Variants in DPYD observed in about 807,000 individuals in gnomAD.
The protein encoded by DPYD is dihydropyrimidine dehydrogenase.
DPYD carries 109 observed loss-of-function variants against 116.2 expected under a neutral mutation model. That is an observed-to-expected ratio of 0.94 (90% CI 0.80 to 1.10). The LOEUF is 1.10. DPYD is among the 50% of genes least tolerant of loss of function. DPYD has a pLI of 0.00. For missense variants in DPYD, 1,302 were observed against 1,254.5 expected, an observed-to-expected ratio of 1.04 and a Z score of -0.57; for synonymous variants, 440 against 432.0, an observed-to-expected ratio of 1.02 and a Z score of -0.23.
intron 13 of DPYD, among the ~76,000 whole-genome samples, chr1:97,461,672 T>C (rs1341832556): frequency 2.0e-5 from 3 of 152,216 alleles, no homozygotes; most frequent in Non-Finnish European, 4.4e-5. Context: ...ATTAAAATAA[T>C]AAAATTTGAA....
At chr1:97,728,239 G>A (rs1663379239) in intron 4 of DPYD, among the ~76,000 whole-genome samples, 2 of 152,050 alleles carry the variant, frequency 1.3e-5, no homozygotes, top group African/African-American at 2.4e-5. Context: ...AATGTTCTTT[G>A]GCCCACTAAT....
At chr1:97,114,334 G>A (rs1198905255) in intron 20 of DPYD, among the ~76,000 whole-genome samples, 1 of 152,044 alleles carries the variant, frequency 6.6e-6, no homozygotes, top group Non-Finnish European at 1.5e-5. Context: ...GGTATGTGGT[G>A]CTAAAGAATT....
intron 3 of DPYD, among the ~76,000 whole-genome samples, chr1:97,793,671 A>G (rs1667426841): frequency 6.6e-6 from 1 of 151,954 alleles, no homozygotes; most frequent in African/African-American, 2.4e-5. Flanking sequence ...AAACAAAACG[A>G]AAAAAAACTT....
chr1:97,115,547 T>C (rs1374088105), intron 20 of DPYD, among the ~76,000 whole-genome samples: 4 of 152,196 alleles, frequency 2.6e-5, no homozygotes, highest in Non-Finnish European at 5.9e-5. Context: ...AGTATGATCC[T>C]AATATAGTTT....
chr1:97,457,425 T>A (rs1290902525), intron 13 of DPYD, among the ~76,000 whole-genome samples: 1 of 152,292 alleles, frequency 6.6e-6, no homozygotes, highest in African/African-American at 2.4e-5. Context: ...TGTAGCCTTT[T>A]GTTTTTCCTC....
chr1:97,294,972 C>T (rs1248297836), intron 18 of DPYD, among the ~76,000 whole-genome samples: 6 of 152,170 alleles, frequency 3.9e-5, no homozygotes, highest in Non-Finnish European at 4.4e-5. Context: ...GTAAGTGACA[C>T]TTGTAGACTA....
At chr1:97,797,085 T>C (rs1033696279) in intron 3 of DPYD, 1 of 152,114 alleles carries the variant, frequency 6.6e-6, no homozygotes, top group African/African-American at 2.4e-5. Flanking sequence ...AATGATCAAA[T>C]TGCCAGTTTA....
intron 3 of DPYD, among the ~76,000 whole-genome samples, chr1:97,756,133 A>G (rs962029598): frequency 6.6e-6 from 1 of 152,202 alleles, no homozygotes. Flanking sequence ...CCAAGGGGGA[A>G]CACAGAAGGG....
intron 18 of DPYD, among the ~76,000 whole-genome samples, chr1:97,291,868 C>T (rs10465748): frequency 6.7e-6 from 1 of 149,874 alleles, no homozygotes; most frequent in Admixed American, 6.6e-5. Flanking sequence ...CTAAAAAAAA[C>T]CCTAAATTCC....
intron 2 of DPYD, among the ~76,000 whole-genome samples, chr1:97,837,260 C>A (rs1571442748): frequency 6.6e-6 from 1 of 152,070 alleles, no homozygotes; most frequent in Admixed American, 6.6e-5. Flanking sequence ...TTTCAAGACT[C>A]CATAAACGGG....
intron 1 of DPYD, among the ~76,000 whole-genome samples, chr1:97,916,601 C>T (rs186663905): frequency 1.3e-5 from 2 of 152,310 alleles, no homozygotes; most frequent in African/African-American, 4.8e-5. Context: ...AATCAGTCAA[C>T]ACCATTTGCT....
intron 22 of DPYD, among the ~76,000 whole-genome samples, chr1:97,081,395 C>T (rs955481173): frequency 6.6e-6 from 1 of 151,940 alleles, no homozygotes; most frequent in African/African-American, 2.4e-5. Context: ...TTTTCCAAAA[C>T]TTTAAAATTT....
At chr1:97,821,262 C>T (rs188022589) in intron 3 of DPYD, among the ~76,000 whole-genome samples, 46 of 141,498 alleles carry the variant, frequency 3.3e-4, no homozygotes, top group African/African-American at 1.2e-3. Context: ...ACCTGGGAGG[C>T]GGAAGTTGCA....
At chr1:97,427,860 T>A (rs1674960675) in intron 14 of DPYD, among the ~76,000 whole-genome samples, 1 of 152,048 alleles carries the variant, frequency 6.6e-6, no homozygotes, top group Non-Finnish European at 1.5e-5. Flanking sequence ...AACCATTTCA[T>A]TACATATGAC....
chr1:97,157,890 A>T lies in DPYD; in HGVS notation c.2622+35179T>A, dbSNP rs188597243. 1.3e-3 allele frequency among the ~76,000 whole-genome samples: 195 copies of T among 152,250 alleles called. 1 individual carries two copies. Among genetic ancestry groups the T allele is most frequent in the African/African-American group, 4.4e-3 (183 of 41,568 alleles). On this transcript the variant is annotated intron_variant, in intron 20 of 22. Transcript: ENST00000370192. ...CAGATGTGGCTTGATTTCAGGTGAT[A>T]TATATCTGCAACTAAAGAATAAGAT... is the stretch of plus-strand genomic sequence containing the variant.
intron 20 of DPYD, among the ~76,000 whole-genome samples, chr1:97,130,649 C>T (rs117618163): frequency 6.6e-6 from 1 of 151,248 alleles, no homozygotes; most frequent in Non-Finnish European, 1.5e-5. Context: ...CTTTCCTTTC[C>T]TCTCCTCTAT....
chr1:97,688,166 T>A (rs1264017048), intron 7 of DPYD, among the ~76,000 whole-genome samples: 1 of 151,986 alleles, frequency 6.6e-6, no homozygotes, highest in Non-Finnish European at 1.5e-5. Flanking sequence ...AAAAAGAGAC[T>A]AACAAATAAG....
chr1:97,645,893 G>A (rs1658231281), intron 8 of DPYD, among the ~76,000 whole-genome samples: 1 of 151,952 alleles, frequency 6.6e-6, no homozygotes, highest in Non-Finnish European at 1.5e-5. Context: ...GAAAATCTTA[G>A]CTGAATATCA....
chr1:97,115,610 T>C (rs1340476547), intron 20 of DPYD, among the ~76,000 whole-genome samples: 1 of 152,194 alleles, frequency 6.6e-6, no homozygotes. Context: ...ACACTACTTT[T>C]ATAATGAGGA....
Sources: gnomAD v4.1 joint callset for allele counts (sites outside exome capture counted in the v4.1 genomes callset) on GRCh38, gnomAD v4.1.1 for gene constraint, MANE v1.5 for transcripts, NCBI Gene and HGNC (gene_info 2026-07-23, HGNC 2026-07-21) for gene names.